The following WDFY3 variants were observed in gnomAD, a reference collection of about 807,000 sequenced individuals.
The protein encoded by WDFY3 is WD repeat and FYVE domain-containing protein 3.
WDFY3 carries 66 observed loss-of-function variants against 409.6 expected under a neutral mutation model. The ratio of observed to expected loss-of-function variants is 0.16; its 90% confidence interval spans 0.13 to 0.20. WDFY3 has a LOEUF of 0.20. WDFY3 is among the 10% of genes least tolerant of loss of function. The probability of loss-of-function intolerance (pLI) is 1.00; values close to 1 mark genes in which losing one functional copy is unlikely to be tolerated. For missense variants in WDFY3, 3,031 were observed against 4,298.1 expected (o/e 0.71, Z 8.24); for synonymous variants, 1,521 against 1,537.1 (o/e 0.99, Z 0.25).
chr4:84,959,336 A>G (rs1018901356), intron 1 of WDFY3, among the ~76,000 whole-genome samples: 4 of 152,200 alleles, frequency 2.6e-5, no homozygotes, highest in Non-Finnish European at 5.9e-5. Flanking sequence ...ACAATTTCAC[A>G]TTTTAAAAAA....
chr4:84,786,703 T>C (rs755991063), intron 23 of WDFY3, among the ~76,000 whole-genome samples: 1 of 152,190 alleles, frequency 6.6e-6, no homozygotes, highest in Non-Finnish European at 1.5e-5. Flanking sequence ...ATAATGACAG[T>C]ACCTAACTCA....
chr4:84,853,398 T>C (rs2150139941), intron 4 of WDFY3, among the ~76,000 whole-genome samples: 1 of 152,256 alleles, frequency 6.6e-6, no homozygotes, highest in South Asian at 2.1e-4. Context: ...GGTCTCGAAC[T>C]CCTGGCCTCA....
intron 32 of WDFY3, among the ~76,000 whole-genome samples, chr4:84,759,279 G>C (rs184066493): frequency 1.5e-4 from 23 of 152,056 alleles, no homozygotes; most frequent in Admixed American, 9.8e-4. Context: ...ATTGACTTGG[G>C]GATGCGGGCT....
chr4:84,748,185 G>T (rs908729862), intron 36 of WDFY3, among the ~76,000 whole-genome samples: 1 of 152,190 alleles, frequency 6.6e-6, no homozygotes, highest in African/African-American at 2.4e-5. Flanking sequence ...GCTAGGAGAA[G>T]AGTCTCCAGG....
chr4:84,716,892 T>C lies in WDFY3; in HGVS notation c.7875+4A>G. On this transcript the variant is annotated splice_donor_region_variant and intron_variant, in intron 49 of 67. Coordinates refer to ENST00000295888, the MANE Select transcript of WDFY3 (RefSeq NM_014991.6). ...GATAAAACAGTACTACTAAATTGACTCACCTGCAGGAGATATCTCCTTTTA... is the reference window on the plus strand; with the variant it reads ...GATAAAACAGTACTACTAAATTGACCCACCTGCAGGAGATATCTCCTTTTA... 7 of 1,572,880 alleles carry C rather than the reference T, an allele frequency of 4.5e-6. No individual in the cohort carries two copies. Among genetic ancestry groups the C allele is most frequent in the Non-Finnish European group, 6.0e-6 (7 of 1,159,950 alleles).
chr4:84,870,874 C>A (rs1045516183), intron 3 of WDFY3, among the ~76,000 whole-genome samples: 1 of 145,544 alleles, frequency 6.9e-6, no homozygotes, highest in Non-Finnish European at 1.5e-5. Context: ...TTTCACCATA[C>A]CAACAGGGCT....
rs539321884 is a variant in WDFY3 at position 84,696,612 on chromosome 4, T to C, written c.8688+120A>G. On this transcript the variant is annotated intron_variant, in intron 57 of 67. Transcript: ENST00000295888. ...GTTCTTGGGATGTATCCCCTGTAGA[T>C]AAGGGGACCTGGCTGTATTAGTAAC... 5.3e-6 allele frequency: 5 copies of C among 937,324 alleles called. No homozygotes were observed. In the South Asian group the frequency reaches 8.2e-5, roughly 15 times the overall value. 58.1% of individuals were successfully genotyped at this position (937,324 alleles called of 1,614,324 possible).
rs1734253631 is a variant in WDFY3, at chr4:84,718,078, A to G, written c.7754+344T>C. ...GTCTCAAAAAAAAAAAAAAAAAAAAAAAAAAGAGTATTTTCTCTACAATTG... is the reference window on the plus strand; with the variant it reads ...GTCTCAAAAAAAAAAAAAAAAAAAAGAAAAAGAGTATTTTCTCTACAATTG... On this transcript the variant is annotated intron_variant, in intron 48 of 67. Transcript: ENST00000295888. 2.0e-5 allele frequency among the ~76,000 whole-genome samples: 3 copies of G among 151,192 alleles called. No homozygotes were observed. In the South Asian group the frequency reaches 6.2e-4, roughly 31 times the overall value.
intron 6 of WDFY3, among the ~76,000 whole-genome samples, chr4:84,839,883 AAG>A (rs1345704274): frequency 6.6e-6 from 1 of 152,164 alleles, no homozygotes; most frequent in Admixed American, 6.5e-5. Flanking sequence ...AGAAAAAAAA[AAG>A]AGAGAAAAAA....
intron 22 of WDFY3, among the ~76,000 whole-genome samples, chr4:84,789,108 T>C (rs1748033657): frequency 6.6e-6 from 1 of 152,216 alleles, no homozygotes; most frequent in African/African-American, 2.4e-5. Flanking sequence ...GCTTGCGAAC[T>C]GAGTTCTGTA....
chr4:84,793,739 T>C (rs745857296), intron 21 of WDFY3, among the ~76,000 whole-genome samples: 2 of 152,226 alleles, frequency 1.3e-5, no homozygotes, highest in Non-Finnish European at 2.9e-5. Flanking sequence ...CTAACTATAT[T>C]GATGCCTAGC....
rs750847574 is a variant in WDFY3 at position 84,798,025 on chromosome 4, C to T, written c.2906G>A (p.Ser969Asn). 1.2e-6 allele frequency: 2 copies of T among 1,612,742 alleles called. No individual in the cohort carries two copies. The highest frequency in any genetic ancestry group is 4.5e-5 in the East Asian group (2 of 44,786). Reference protein sequence around the residue: ...LLKQYRVHKPSSLSYEPEMRS... With the variant: ...LLKQYRVHKPNSLSYEPEMRS... Reference sequence around the variant, plus strand: ...CATTTCTGGTTCATAACTCAGTGAACTTGGTTTGTGGACCCTATATTGTTT... The same window carrying T: ...CATTTCTGGTTCATAACTCAGTGAATTTGGTTTGTGGACCCTATATTGTTT... The change falls in exon 18 of 68, where the codon AGT (serine) becomes AAT (asparagine). Residue 969 changes from serine (S) to asparagine (N), a missense_variant. Physicochemically the swap from Ser to Asn is conservative, Grantham distance 46. Around this residue, in one of 16 missense-constraint regions of WDFY3, gnomAD observed 1,322 missense variants for 1,697.9 expected, o/e 0.78. Transcript: ENST00000295888.
intron 34 of WDFY3, 137 bp from the exon 35 acceptor site, chr4:84,754,013 A>T: frequency 1.1e-6 from 1 of 947,072 alleles, no homozygotes; most frequent in Non-Finnish European, 1.4e-6. Flanking sequence ...CACACATATG[A>T]GCAAACACAC....
chr4:84,927,332 G>GAT (rs1554019838), intron 2 of WDFY3, among the ~76,000 whole-genome samples: 1 of 135,872 alleles, frequency 7.4e-6, no homozygotes. Flanking sequence ...CACACACACA[G>GAT]ACACACACAC....
intron 1 of WDFY3, among the ~76,000 whole-genome samples, chr4:84,950,020 T>C (rs1773397995): frequency 1.3e-5 from 2 of 152,144 alleles, no homozygotes; most frequent in African/African-American, 4.8e-5. Context: ...GATGATAGAC[T>C]GGATAAAGAA....
Position 84,759,746 on chromosome 4 carries a change from G to A in WDFY3, c.5189-2585C>T, listed in dbSNP as rs554637722. Among the ~76,000 whole-genome samples the A allele has an allele frequency of 1.1e-3, 165 of 151,582 alleles. 2 individuals are homozygous for A. The highest frequency in any genetic ancestry group is 3.7e-3 in the African/African-American group (154 of 41,280). ...TTCTAGATATACAATCATGTCGTCTGCAAACAGGGACAATTTGACTTCCTC... is the reference window on the plus strand; with the variant it reads ...TTCTAGATATACAATCATGTCGTCTACAAACAGGGACAATTTGACTTCCTC... On this transcript the variant is annotated intron_variant, in intron 32 of 67. Transcript: ENST00000295888.
chr4:84,709,433 G>C (rs1280973205), intron 51 of WDFY3, 86 bp from the exon 52 acceptor site: 3 of 1,201,104 alleles, frequency 2.5e-6, no homozygotes, highest in African/African-American at 1.6e-5. Context: ...TAAGTCACCT[G>C]GTCCAGGAAT....
intron 2 of WDFY3, among the ~76,000 whole-genome samples, chr4:84,912,816 G>A (rs1767969344): frequency 6.6e-6 from 1 of 152,182 alleles, no homozygotes; most frequent in South Asian, 2.1e-4. Flanking sequence ...CAGGATTTAA[G>A]GGTATAAAGG....
At position 84,871,163 on chromosome 4, in the gene WDFY3, A is replaced by G. The variant is rs559606829; in HGVS notation, c.-31-10541T>C. ...GATAAATACCTAAAAGACTACATGT[A>G]GGCATATTATATTCAAACTGCAGTG... On this transcript the variant is annotated intron_variant, in intron 3 of 67. Transcript: ENST00000295888. 1.1e-3 allele frequency among the ~76,000 whole-genome samples: 171 copies of G among 152,304 alleles called. 2 individuals are homozygous for G. Among genetic ancestry groups the G allele is most frequent in the African/African-American group, 3.8e-3 (160 of 41,572 alleles).
Sources: gnomAD v4.1 joint callset for allele counts (sites outside exome capture counted in the v4.1 genomes callset) on GRCh38, gnomAD v4.1.1 for gene constraint, gnomAD v4.1.1 regional missense constraint, MANE v1.5 for transcripts, NCBI Gene and HGNC (gene_info 2026-07-23, HGNC 2026-07-21) for gene names.